The following SPEG variants were observed in gnomAD, a reference collection of about 807,000 sequenced individuals.
SPEG encodes the protein striated muscle preferentially expressed protein kinase.
A neutral mutation model predicts 300.4 loss-of-function variants in SPEG; 114 were observed. The ratio of observed to expected loss-of-function variants is 0.38; its 90% CI spans 0.33 to 0.44. The LOEUF (loss-of-function observed/expected upper bound fraction) is 0.44, where lower values mean the gene tolerates loss of function less well. SPEG is among the 20% of genes least tolerant of loss of function. The pLI, the probability that SPEG is intolerant of heterozygous loss-of-function variation, is 1.00. For synonymous variants in SPEG, 1,964 were observed against 2,018.9 expected (o/e 0.97, Z 0.73); for missense variants, 4,201 against 4,586.2 (o/e 0.92, Z 2.43).
chr2:219,447,508 C>T (rs528344057), intron 3 of SPEG, among the ~76,000 whole-genome samples: 1 of 152,070 alleles, frequency 6.6e-6, no homozygotes, highest in Non-Finnish European at 1.5e-5. Context: ...AAGGGGTGTG[C>T]CCTGCTGATG....
chr2:219,467,506 G>A (rs1691481172), intron 10 of SPEG, 72 bp downstream of exon 10: 1 of 1,513,854 alleles, frequency 6.6e-7, no homozygotes, highest in Non-Finnish European at 8.9e-7. Flanking sequence ...GGGGTGTACA[G>A]TAAGATGCCT....
At position 219,464,631 on chromosome 2, in the gene SPEG, A is replaced by C; in HGVS notation, c.2881+23A>C. ...GAGGTGAGTACCTGATTTCTCCATG[A>C]ATGCCCACCTGGCCCTGGCCCCTTC... On this transcript the variant is annotated intron_variant, in intron 9 of 40. Transcript: ENST00000312358. The surrounding 1 kb of genome is among the most constrained non-coding windows in gnomAD (Gnocchi z 4.5). The C allele has an allele frequency of 6.2e-7, 1 of 1,608,860 alleles. No homozygotes were observed. The highest frequency in any genetic ancestry group is 8.5e-7 in the Non-Finnish European group (1 of 1,175,726).
Position 219,485,376 on chromosome 2 carries a change from G to T in SPEG, c.7640G>T (p.Trp2547Leu). Residue 2547 changes from tryptophan (W) to leucine (L), a missense_variant, in exon 31 of 41, where the codon TGG (tryptophan) becomes TTG (leucine). Physicochemically the swap from Trp to Leu is moderately conservative, Grantham distance 61. This residue lies in a region of SPEG where 1,578 missense variants were observed against 1,506.0 expected (regional missense o/e 1.05). Transcript: ENST00000312358. The stretch of plus-strand genomic sequence containing the variant: ...GGGGAAAGCCGAAGCCGGCTCCGCT[G>T]GGGCTTCTCTCGGCCGCGGAAGGAC... Reference protein sequence around the residue: ...APGESRSRLRWGFSRPRKDKG... With the variant: ...APGESRSRLRLGFSRPRKDKG... 1 of 1,607,436 alleles carries T rather than the reference G, an allele frequency of 6.2e-7. No homozygotes were observed. The highest frequency in any genetic ancestry group is 8.5e-7 in the Non-Finnish European group (1 of 1,177,270).
In SPEG at chr2:219,466,873, T is replaced by C. The variant is rs1691409550; in HGVS notation, c.2882-301T>C. 1.2e-5 allele frequency: 13 copies of C among 1,083,686 alleles called. No individual in the cohort carries two copies. In the East Asian group the frequency reaches 5.7e-4, roughly 48 times the overall value. The allele number at this position is 1,083,686 out of a possible 1,614,324, so 67.1% of individuals were successfully genotyped here. A position where few individuals can be genotyped will look rare whatever the true frequency, so the allele number is the denominator to read the frequency against. ...TCCAGTTTGTACCTATCTGGTGTGT[T>C]GTGTTTTTTTTTCCCCCGCCGATGT... On this transcript the variant is annotated intron_variant, in intron 9 of 40. Coordinates refer to ENST00000312358, the MANE Select transcript of SPEG (RefSeq NM_005876.5).
Position 219,490,358 on chromosome 2 carries a change from T to A in SPEG, c.8922-51T>A, listed in dbSNP as rs763115820. 4 of 1,577,008 alleles carry A rather than the reference T, an allele frequency of 2.5e-6. No homozygotes were observed. In the Admixed American group the frequency reaches 6.8e-5, roughly 27 times the overall value. ...CCTCCGTTAGCCCTCACTATGGAAGTGTCCCCCTCCTCTCCTCTGAGCCGG... is the reference window on the plus strand; with the variant it reads ...CCTCCGTTAGCCCTCACTATGGAAGAGTCCCCCTCCTCTCCTCTGAGCCGG... On this transcript the variant is annotated intron_variant, in intron 36 of 40. Coordinates refer to ENST00000312358, the MANE Select transcript of SPEG (RefSeq NM_005876.5).
intron 1 of SPEG, among the ~76,000 whole-genome samples, chr2:219,441,749 G>A (rs1239518714): frequency 1.3e-5 from 2 of 152,086 alleles, no homozygotes; most frequent in Admixed American, 6.5e-5. Context: ...GGAGGTGACC[G>A]GTGGTCGTGT....
chr2:219,465,978 C>A, intron 9 of SPEG: 3 of 1,242,450 alleles, frequency 2.4e-6, no homozygotes, highest in African/African-American at 1.4e-5. Context: ...CGTGTGTGTG[C>A]ATGTGTGTGT....
Position 219,483,529 on chromosome 2 carries a change from G to A in SPEG, c.6066G>A (p.Arg2022=). ...RGSSAESALP[R]AGPRELGRGL... is the part of the protein sequence containing the mutation. ...GCTCGGCTGAGAGCGCCCTGCCCCGGGCCGGGCCGCGGGAGCTGGGCCGGG... is the reference window on the plus strand; with the variant it reads ...GCTCGGCTGAGAGCGCCCTGCCCCGAGCCGGGCCGCGGGAGCTGGGCCGGG... The change falls in exon 30 of 41, where the codon CGG becomes CGA. Residue 2022 remains arginine (R), a synonymous_variant. Coordinates refer to ENST00000312358, the MANE Select transcript of SPEG (RefSeq NM_005876.5). The A allele has an allele frequency of 1.4e-6, 2 of 1,406,246 alleles. No individual in the cohort carries two copies. The highest frequency in any genetic ancestry group is 3.1e-5 in the African/African-American group (2 of 65,548). 87.1% of individuals were successfully genotyped at this position (1,406,246 alleles called of 1,614,324 possible).
intron 9 of SPEG, chr2:219,466,610 T>C (rs1691384958): frequency 2.0e-6 from 2 of 1,006,086 alleles, no homozygotes; most frequent in African/African-American, 3.5e-5. Flanking sequence ...CAACACTTTC[T>C]ATTTCACAAA....
chr2:219,475,818 C>T (rs6745082), intron 18 of SPEG, among the ~76,000 whole-genome samples: 80,458 of 152,084 alleles, frequency 0.53, 24,057 homozygotes, highest in East Asian at 0.77. Flanking sequence ...CACTAGACCC[C>T]ACCCAGCCAC....
chr2:219,480,641 C>T lies in SPEG; in HGVS notation c.5343-30C>T, dbSNP rs377087744. On this transcript the variant is annotated intron_variant, in intron 25 of 40. Coordinates refer to ENST00000312358, the MANE Select transcript of SPEG (RefSeq NM_005876.5). This position sits in a 1 kb window ranked among gnomAD's most constrained non-coding sequence, Gnocchi z 5.3. ...CCCTTCCAGTCAGAGAGGGGCGGTC[C>T]TCTTACCTATCACTCTCCTTTTCCC... 95 of 1,613,330 alleles carry T rather than the reference C, an allele frequency of 5.9e-5. No individual in the cohort carries two copies. Among genetic ancestry groups the T allele is most frequent in the Non-Finnish European group, 8.0e-5 (94 of 1,179,418 alleles).
chr2:219,467,781 G>A (rs748271449), intron 10 of SPEG, among the ~76,000 whole-genome samples: 1 of 152,222 alleles, frequency 6.6e-6, no homozygotes, highest in Non-Finnish European at 1.5e-5. Context: ...CAGGGATGGT[G>A]ATCATTCCTC....
In SPEG at chr2:219,484,195, C is replaced by G. The variant is rs201187025; in HGVS notation, c.6732C>G (p.Pro2244=). The change falls in exon 30 of 41, where the codon CCC becomes CCG. Residue 2244 remains proline, a synonymous_variant. Coordinates refer to ENST00000312358, the MANE Select transcript of SPEG (RefSeq NM_005876.5). ...ALQTLALPLT[P]YAQIIQSLQL... is the part of the protein sequence containing the mutation. ...AAACCCTAGCGCTGCCCCTCACACC[C>G]TATGCTCAGATCATTCAGTCCCTCC... 9 of 1,612,786 alleles carry G rather than the reference C, an allele frequency of 5.6e-6. No individual in the cohort carries two copies. Among genetic ancestry groups the G allele is most frequent in the African/African-American group, 5.3e-5 (4 of 74,874 alleles).
rs773915018 is a variant in SPEG, at chr2:219,448,320, G to C, written c.1162G>C (p.Gly388Arg). 29 of 1,605,586 alleles carry C rather than the reference G, an allele frequency of 1.8e-5. No individual in the cohort carries two copies. In the South Asian group the frequency reaches 3.2e-4, roughly 18 times the overall value. Residue 388 changes from glycine (G) to arginine (R), a missense_variant, in exon 4 of 41, where the codon GGC (glycine) becomes CGC (arginine). Coordinates refer to ENST00000312358, the MANE Select transcript of SPEG (RefSeq NM_005876.5). ...SEASGRLSAL[G>R]RSPRLVRAGS... ...GGCCTCAGGCCGCCTGTCGGCGTTGGGCCGATCGCCTAGGCTGGTGCGCGC... is the reference window on the plus strand; with the variant it reads ...GGCCTCAGGCCGCCTGTCGGCGTTGCGCCGATCGCCTAGGCTGGTGCGCGC...
rs1476751261 is a variant in SPEG at position 219,479,677 on chromosome 2, C to T, written c.5086-106C>T. ...ACCTGTTTCAGCCCCTTCCACGAGC[C>T]ATCTGAAGGCTACTCCACAGGCACA... is the stretch of plus-strand genomic sequence containing the variant. On this transcript the variant is annotated intron_variant, in intron 23 of 40. Coordinates refer to ENST00000312358, the MANE Select transcript of SPEG (RefSeq NM_005876.5). The surrounding 1 kb of genome is among the most constrained non-coding windows in gnomAD (Gnocchi z 5.5). 2 of 991,270 alleles carry T rather than the reference C, an allele frequency of 2.0e-6. No individual in the cohort carries two copies. The highest frequency in any genetic ancestry group is 3.2e-6 in the Non-Finnish European group (2 of 626,126). The allele number at this position is 991,270 out of a possible 1,614,324, so 61.4% of individuals were successfully genotyped here.
At position 219,435,321 on chromosome 2, in the gene SPEG, G is replaced by A. The variant is rs1210948571; in HGVS notation, c.344G>A (p.Gly115Asp). Residue 115 changes from glycine (G) to aspartate (D), a missense_variant, in exon 1 of 41, where the codon GGC becomes GAC. Gly to Asp is a moderately conservative substitution (Grantham distance 94). Around this residue, in one of 4 missense-constraint regions of SPEG, gnomAD observed 1,258 missense variants for 1,293.9 expected, o/e 0.97. Coordinates refer to ENST00000312358, the MANE Select transcript of SPEG (RefSeq NM_005876.5). Reference sequence around the variant, plus strand: ...AGCTGCATGGCCCAGAACGAGCGGGGCCGGGCCTCCTGCGAGGCGGTGCTC... The same window carrying A: ...AGCTGCATGGCCCAGAACGAGCGGGACCGGGCCTCCTGCGAGGCGGTGCTC... ...VYSCMAQNER[G>D]RASCEAVLTV... The A allele has an allele frequency of 6.5e-7, 1 of 1,537,318 alleles. No individual in the cohort carries two copies. The highest frequency in any genetic ancestry group is 8.7e-7 in the Non-Finnish European group (1 of 1,149,080).
In SPEG at chr2:219,492,808, C is replaced by T. The variant is rs751651984; in HGVS notation, c.*22C>T. 94 of 1,554,860 alleles carry T rather than the reference C, an allele frequency of 6.0e-5. No individual in the cohort carries two copies. Among genetic ancestry groups the T allele is most frequent in the Non-Finnish European group, 7.9e-5 (91 of 1,156,004 alleles). On this transcript the variant is annotated 3_prime_UTR_variant, in exon 41 of 41. Coordinates refer to ENST00000312358, the MANE Select transcript of SPEG (RefSeq NM_005876.5). ...CTAGAGGCACGGACCACAGCCAGGCCTCGGGCTTCAACTGGGGTTCCCACC... is the reference window on the plus strand; with the variant it reads ...CTAGAGGCACGGACCACAGCCAGGCTTCGGGCTTCAACTGGGGTTCCCACC...
chr2:219,480,746 C>T lies in SPEG; in HGVS notation c.5369+49C>T, dbSNP rs770021095. The T allele has an allele frequency of 6.3e-7, 1 of 1,590,344 alleles. No individual in the cohort carries two copies. ...CAGCAGTCTCCTGGCAGGTCTACCCCTAACCTTTGCAGGGCTGCAGCCCAC... is the reference window on the plus strand; with the variant it reads ...CAGCAGTCTCCTGGCAGGTCTACCCTTAACCTTTGCAGGGCTGCAGCCCAC... On this transcript the variant is annotated intron_variant, in intron 26 of 40. Coordinates refer to ENST00000312358, the MANE Select transcript of SPEG (RefSeq NM_005876.5). This position sits in a 1 kb window ranked among gnomAD's most constrained non-coding sequence, Gnocchi z 5.3.
At chr2:219,446,623 C>T (rs898609964) in intron 3 of SPEG, among the ~76,000 whole-genome samples, 4 of 152,206 alleles carry the variant, frequency 2.6e-5, no homozygotes, top group Admixed American at 6.5e-5. Flanking sequence ...TAGAACTGCT[C>T]ATGGCTGGCA....
Sources: allele counts gnomAD v4.1 joint callset (sites outside exome capture counted in the v4.1 genomes callset), GRCh38; gene constraint gnomAD v4.1.1; regional missense constraint gnomAD v4.1.1; non-coding constraint Gnocchi (gnomAD v3.1); transcripts MANE v1.5; gene names NCBI Gene and HGNC (gene_info 2026-07-23, HGNC 2026-07-21).